The following CDH13 variants were observed in gnomAD, a reference collection of about 807,000 sequenced individuals.
CDH13 encodes the protein cadherin-13.
Under a neutral mutation model 63.8 loss-of-function variants are expected in CDH13, and 24 were observed. That is an observed-to-expected ratio of 0.38 (90% CI 0.27 to 0.53). The LOEUF is 0.53. CDH13 is among the 20% of genes least tolerant of loss of function. The pLI, the probability that CDH13 is intolerant of heterozygous loss-of-function variation, is 0.85. For missense variants in CDH13, 1,049 were observed against 903.1 expected (o/e 1.16, Z -2.07); for synonymous variants, 503 against 355.3 (o/e 1.42, Z -4.67).
intron 11 of CDH13, among the ~76,000 whole-genome samples, chr16:83,753,603 T>G (rs1913271389): frequency 6.6e-6 from 1 of 152,172 alleles, no homozygotes; most frequent in South Asian, 2.1e-4. Flanking sequence ...TGAGCATTTG[T>G]TTTTATTAGT....
intron 10 of CDH13, among the ~76,000 whole-genome samples, chr16:83,746,583 A>G (rs1345861666): frequency 2.6e-5 from 4 of 152,172 alleles, no homozygotes; most frequent in East Asian, 1.9e-4. Context: ...GAGATTTTCA[A>G]TCCTGTTGGT....
chr16:83,124,987 G>T (rs570549922), intron 3 of CDH13, among the ~76,000 whole-genome samples: 1 of 152,172 alleles, frequency 6.6e-6, no homozygotes, highest in Non-Finnish European at 1.5e-5. Flanking sequence ...CTTAGGATTT[G>T]TTATAAAACC....
chr16:82,820,076 G>C (rs754114562), intron 1 of CDH13, among the ~76,000 whole-genome samples: 1 of 152,114 alleles, frequency 6.6e-6, no homozygotes, highest in Non-Finnish European at 1.5e-5. Flanking sequence ...TCATTAATGT[G>C]AACACTCACC....
intron 6 of CDH13, among the ~76,000 whole-genome samples, chr16:83,431,444 C>T (rs1026432710): frequency 1.3e-5 from 2 of 151,858 alleles, no homozygotes; most frequent in Non-Finnish European, 2.9e-5. Context: ...AGTCATTGTG[C>T]AAATCATGGA....
At chr16:83,586,061 G>T (rs1275425373) in intron 7 of CDH13, among the ~76,000 whole-genome samples, 1 of 152,184 alleles carries the variant, frequency 6.6e-6, no homozygotes, top group African/African-American at 2.4e-5. Context: ...CCACCTAAAG[G>T]GTTGAATACT....
At chr16:83,171,471 G>T (rs1225745157) in intron 4 of CDH13, 10 of 1,419,318 alleles carry the variant, frequency 7.0e-6, no homozygotes, top group East Asian at 2.5e-5. Context: ...TTCTAATTAG[G>T]TTACTCATTC....
intron 6 of CDH13, among the ~76,000 whole-genome samples, chr16:83,421,958 T>C (rs1404606386): frequency 6.6e-6 from 1 of 152,216 alleles, no homozygotes; most frequent in Non-Finnish European, 1.5e-5. Context: ...CTAAAATTGA[T>C]GGCATTTCTT....
intron 2 of CDH13, among the ~76,000 whole-genome samples, chr16:83,030,129 C>A (rs971844706): frequency 6.6e-6 from 1 of 152,166 alleles, no homozygotes; most frequent in Non-Finnish European, 1.5e-5. Flanking sequence ...GGGGGCCCAT[C>A]TTCCCTATTC....
chr16:83,764,301 T>A (rs1225252718), intron 11 of CDH13, among the ~76,000 whole-genome samples: 1 of 152,160 alleles, frequency 6.6e-6, no homozygotes, highest in African/African-American at 2.4e-5. Context: ...AGAAAAGGTG[T>A]CCTTGGACGT....
intron 10 of CDH13, among the ~76,000 whole-genome samples, chr16:83,718,841 A>G (rs969333364): frequency 1.3e-5 from 2 of 152,128 alleles, no homozygotes; most frequent in African/African-American, 4.8e-5. Context: ...ACCACCCTGT[A>G]TTCTTCTTGT....
At chr16:83,048,842 A>T (rs1305914312) in intron 3 of CDH13, among the ~76,000 whole-genome samples, 2 of 152,132 alleles carry the variant, frequency 1.3e-5, no homozygotes, top group Non-Finnish European at 2.9e-5. Context: ...TCCCAGGCGA[A>T]ACCAAATTAT....
chr16:82,631,846 G>T (rs991079697), intron 1 of CDH13, among the ~76,000 whole-genome samples: 1 of 152,146 alleles, frequency 6.6e-6, no homozygotes, highest in East Asian at 1.9e-4. Flanking sequence ...CTGTGGAGGT[G>T]AATGTGTCAC....
chr16:83,521,008 T>C lies in CDH13; in HGVS notation c.960+34353T>C, dbSNP rs144075296. Among the ~76,000 whole-genome samples, 375 of 152,334 alleles carry C rather than the reference T, an allele frequency of 2.5e-3. 2 individuals are homozygous for C. Among genetic ancestry groups the C allele is most frequent in the African/African-American group, 8.7e-3 (360 of 41,580 alleles). On this transcript the variant is annotated intron_variant, in intron 7 of 13. Coordinates refer to ENST00000567109, the MANE Select transcript of CDH13 (RefSeq NM_001257.5). ...ACTTCAATTTTTTAAATTTCACCTT[T>C]GTAATGTCTGCTATTTCTAACATCT...
At chr16:83,706,906 G>C in intron 10 of CDH13, among the ~76,000 whole-genome samples, 1 of 125,920 alleles carries the variant, frequency 7.9e-6, no homozygotes, top group East Asian at 2.0e-4. Flanking sequence ...ATTAAGTCCT[G>C]GGTGGCCTGT....
chr16:82,881,978 T>G (rs1303580497), intron 2 of CDH13, among the ~76,000 whole-genome samples: 2 of 152,206 alleles, frequency 1.3e-5, no homozygotes, highest in Non-Finnish European at 2.9e-5. Flanking sequence ...ACTCTGTCTT[T>G]CAAGTTCCCC....
chr16:83,371,557 A>T (rs576086883), intron 6 of CDH13, among the ~76,000 whole-genome samples: 104 of 152,214 alleles, frequency 6.8e-4, no homozygotes, highest in Non-Finnish European at 1.4e-3. Flanking sequence ...TTTAATAGCT[A>T]TTTATTTTGA....
chr16:83,430,754 A>G (rs892041993), intron 6 of CDH13, among the ~76,000 whole-genome samples: 2 of 152,176 alleles, frequency 1.3e-5, no homozygotes, highest in African/African-American at 2.4e-5. Flanking sequence ...TTAATGGTAG[A>G]TTCCACATTC....
At chr16:83,751,457 A>C (rs1482924907) in intron 11 of CDH13, among the ~76,000 whole-genome samples, 2 of 151,956 alleles carry the variant, frequency 1.3e-5, no homozygotes, top group Non-Finnish European at 1.5e-5. Flanking sequence ...CCTCCCCTCC[A>C]CAAAAAAGAA....
Position 83,263,133 on chromosome 16 carries a change from G to A in CDH13, c.636+45636G>A, listed in dbSNP as rs538086465. ...AGATGGATGGGCTGAGTGTGATTAT[G>A]CCAGAAAAACAGGAGTCGAGCTCAT... On this transcript the variant is annotated intron_variant, in intron 5 of 13. Coordinates refer to ENST00000567109, the MANE Select transcript of CDH13 (RefSeq NM_001257.5). Among the ~76,000 whole-genome samples, 4 of 152,304 alleles carry A rather than the reference G, an allele frequency of 2.6e-5. No individual in the cohort carries two copies. The South Asian group carries it at 8.3e-4, about 32-fold the overall frequency.
Sources: gnomAD v4.1 joint callset for allele counts (sites outside exome capture counted in the v4.1 genomes callset) on GRCh38, gnomAD v4.1.1 for gene constraint, MANE v1.5 for transcripts, NCBI Gene and HGNC (gene_info 2026-07-23, HGNC 2026-07-21) for gene names.